Variants in TCF12 observed in about 807,000 individuals in gnomAD.
TCF12 encodes DNA-binding protein HTF4.
A neutral mutation model predicts 86.0 loss-of-function variants in TCF12; 45 were observed. That is an observed-to-expected ratio of 0.52 (90% CI 0.41 to 0.67). The LOEUF (loss-of-function observed/expected upper bound fraction) is 0.67. Among genes scored for constraint, TCF12 ranks in the 30% least tolerant of loss-of-function variants. TCF12 has a pLI of 0.00. For missense variants in TCF12, 881 were observed against 859.9 expected, an observed-to-expected ratio of 1.02 and a Z score of -0.31; for synonymous variants, 330 against 299.6, an observed-to-expected ratio of 1.10 and a Z score of -1.05.
intron 20 of TCF12, among the ~76,000 whole-genome samples, chr15:57,283,259 A>AT (rs1192277970): frequency 0.051 from 7,354 of 143,624 alleles, 484 homozygotes; most frequent in African/African-American, 0.16. Context: ...GTTCCTTGTG[A>AT]TTTTTTTTTT....
At chr15:57,156,664 C>T (rs1171175209) in intron 5 of TCF12, among the ~76,000 whole-genome samples, 1 of 152,138 alleles carries the variant, frequency 6.6e-6, no homozygotes, top group Non-Finnish European at 1.5e-5. Flanking sequence ...AGAATCTGTC[C>T]CTGGCACGCA....
chr15:57,243,633 T>G, intron 13 of TCF12, 83 bp downstream of exon 13: 1 of 1,234,880 alleles, frequency 8.1e-7, no homozygotes, highest in Admixed American at 2.1e-5. Flanking sequence ...CAAACTTTAA[T>G]AAAAATTTGT....
intron 3 of TCF12, among the ~76,000 whole-genome samples, chr15:57,011,610 C>T (rs1482381596): frequency 3.3e-5 from 5 of 152,146 alleles, no homozygotes; most frequent in African/African-American, 9.7e-5. Flanking sequence ...AGGCTTCCTT[C>T]ATTAACAAAG....
At chr15:57,144,006 A>C (rs1412418900) in intron 5 of TCF12, among the ~76,000 whole-genome samples, 4 of 152,180 alleles carry the variant, frequency 2.6e-5, no homozygotes, top group Non-Finnish European at 5.9e-5. Context: ...CAGAAACTGA[A>C]ATGCCTTCAG....
At position 57,207,362 on chromosome 15, in the gene TCF12, G is replaced by C. The variant is rs72733912; in HGVS notation, c.579+9537G>C. Reference sequence around the variant, plus strand: ...TTTCCTTTTTGCTTTTATGAGGCTAGTATTAATAATAAATAATAAATAGGC... The same window carrying C: ...TTTCCTTTTTGCTTTTATGAGGCTACTATTAATAATAAATAATAAATAGGC... On this transcript the variant is annotated intron_variant, in intron 8 of 20. Transcript: ENST00000333725. 9.6e-3 allele frequency among the ~76,000 whole-genome samples: 1,462 copies of C among 152,066 alleles called. 14 individuals are homozygous for C. Among genetic ancestry groups the C allele is most frequent in the Middle Eastern group, 0.017 (5 of 294 alleles).
intron 3 of TCF12, among the ~76,000 whole-genome samples, chr15:57,013,213 C>T (rs905443503): frequency 6.6e-6 from 1 of 152,228 alleles, no homozygotes; most frequent in Middle Eastern, 3.4e-3. Flanking sequence ...AAATATTTAT[C>T]GAGTGCCTAC....
intron 5 of TCF12, among the ~76,000 whole-genome samples, chr15:57,157,157 T>G (rs1307711546): frequency 1.3e-5 from 2 of 151,882 alleles, no homozygotes; most frequent in Admixed American, 1.3e-4. Context: ...TCTCAGTTTA[T>G]GTAGTCCTTA....
intron 16 of TCF12, among the ~76,000 whole-genome samples, chr15:57,254,332 T>G (rs1481124452): frequency 6.6e-6 from 1 of 152,188 alleles, no homozygotes; most frequent in Non-Finnish European, 1.5e-5. Flanking sequence ...TTCCAGATTT[T>G]CACACTCACA....
chr15:57,239,544 C>T (rs550322772), intron 12 of TCF12, among the ~76,000 whole-genome samples: 1 of 141,246 alleles, frequency 7.1e-6, no homozygotes, highest in East Asian at 2.1e-4. Flanking sequence ...TTTTTGAGGA[C>T]AGTAGTTCAG....
chr15:57,252,266 C>G lies in TCF12; in HGVS notation c.1189-155C>G, dbSNP rs1476915336. On this transcript the variant is annotated intron_variant, in intron 14 of 20. Coordinates refer to ENST00000333725, the MANE Select transcript of TCF12 (RefSeq NM_207037.2). Reference sequence around the variant, plus strand: ...AACCTTGTAACTTCCCTGTTGAATCCCAGCCTTTTCATATCTTAATAAAAT... The same window carrying G: ...AACCTTGTAACTTCCCTGTTGAATCGCAGCCTTTTCATATCTTAATAAAAT... The G allele has an allele frequency of 1.2e-5, 7 of 562,232 alleles. No homozygotes were observed. The African/African-American group carries it at 1.3e-4, about 11-fold the overall frequency. 34.8% of individuals were successfully genotyped at this position (562,232 alleles called of 1,614,324 possible).
chr15:57,194,164 C>G (rs1298951012), intron 7 of TCF12, among the ~76,000 whole-genome samples: 1 of 151,898 alleles, frequency 6.6e-6, no homozygotes, highest in Non-Finnish European at 1.5e-5. Context: ...TCAGAAAAAT[C>G]CAGACTTAAA....
chr15:57,142,058 A>G (rs1189549306), intron 5 of TCF12, among the ~76,000 whole-genome samples: 1 of 152,188 alleles, frequency 6.6e-6, no homozygotes, highest in East Asian at 1.9e-4. Flanking sequence ...GATCACAGCA[A>G]AAACAAGAGG....
intron 5 of TCF12, among the ~76,000 whole-genome samples, chr15:57,093,726 A>C (rs1285353924): frequency 6.6e-6 from 1 of 152,188 alleles, no homozygotes; most frequent in Non-Finnish European, 1.5e-5. Flanking sequence ...TAGTTTTCAG[A>C]TAATTATTAG....
chr15:57,179,524 C>A (rs2056189096), intron 6 of TCF12, among the ~76,000 whole-genome samples: 1 of 151,680 alleles, frequency 6.6e-6, no homozygotes, highest in Admixed American at 6.6e-5. Flanking sequence ...AGCAAGACTC[C>A]ATCTCAAAAG....
At chr15:56,939,799 T>C (rs2060644055) in intron 3 of TCF12, among the ~76,000 whole-genome samples, 1 of 152,146 alleles carries the variant, frequency 6.6e-6, no homozygotes, top group African/African-American at 2.4e-5. Flanking sequence ...ACGTGAGGTG[T>C]TCATTTTTGA....
intron 7 of TCF12, among the ~76,000 whole-genome samples, chr15:57,196,438 T>C (rs2057268698): frequency 1.3e-5 from 2 of 152,344 alleles, no homozygotes; most frequent in Admixed American, 1.3e-4. Flanking sequence ...CCACTGATAC[T>C]GAGGAATGAT....
intron 3 of TCF12, among the ~76,000 whole-genome samples, chr15:56,976,472 C>G (rs957930499): frequency 1.3e-5 from 2 of 151,496 alleles, no homozygotes; most frequent in Admixed American, 1.3e-4. Flanking sequence ...CTCCTGACCT[C>G]GTCATCCGCC....
At chr15:56,963,923 AT>A (rs1449507704) in intron 3 of TCF12, among the ~76,000 whole-genome samples, 2 of 152,302 alleles carry the variant, frequency 1.3e-5, no homozygotes, top group Admixed American at 1.3e-4. Context: ...GAAGGCAAAA[AT>A]TTTGGCAGAG....
At chr15:57,155,099 T>C (rs2151478673) in intron 5 of TCF12, among the ~76,000 whole-genome samples, 1 of 152,306 alleles carries the variant, frequency 6.6e-6, no homozygotes, top group East Asian at 1.9e-4. Context: ...AATTTAAACC[T>C]GGTTAGTCTA....
Sources: allele counts gnomAD v4.1 joint callset (sites outside exome capture counted in the v4.1 genomes callset), GRCh38; gene constraint gnomAD v4.1.1; transcripts MANE v1.5; gene names NCBI Gene and HGNC (gene_info 2026-07-23, HGNC 2026-07-21).